PIAS3: variants seen among roughly 807,000 people sequenced by gnomAD.
PIAS3 encodes the protein E3 SUMO-protein ligase PIAS3.
PIAS3 carries 34 observed loss-of-function variants against 67.6 expected under a neutral mutation model. The ratio of observed to expected loss-of-function variants is 0.50; its 90% CI spans 0.38 to 0.67. The LOEUF (loss-of-function observed/expected upper bound fraction) is 0.67. PIAS3 is among the 30% of genes least tolerant of loss of function. PIAS3 has a pLI of 0.00. For missense variants in PIAS3, 693 were observed against 791.6 expected (o/e 0.88, Z 1.49); for synonymous variants, 341 against 313.8 (o/e 1.09, Z -0.92).
At chr1:145,851,619 G>A in intron 9 of PIAS3, among the ~76,000 whole-genome samples, 1 of 125,294 alleles carries the variant, frequency 8.0e-6, no homozygotes, top group Middle Eastern at 6.9e-3. Context: ...CCACACCACT[G>A]TTCTCCACCC....
rs148220219 is a variant in PIAS3, at chr1:145,858,568, G to T, written c.24+399C>A. On this transcript the variant is annotated intron_variant, in intron 1 of 13. Transcript: ENST00000393045. ...CCGGAGCCTCCCCTACGTCTGCCCC[G>T]CGGTCCCATCCCTGCATGTGCCCCC... is the stretch of plus-strand genomic sequence containing the variant. 4.0e-3 allele frequency among the ~76,000 whole-genome samples: 586 copies of T among 147,304 alleles called. 3 individuals carry two copies. Among genetic ancestry groups the T allele is most frequent in the Admixed American group, 5.3e-3 (78 of 14,700 alleles).
intron 11 of PIAS3, 64 bp downstream of exon 11, chr1:145,850,707 C>T: frequency 6.2e-7 from 1 of 1,601,176 alleles, no homozygotes; most frequent in Non-Finnish European, 8.5e-7. Flanking sequence ...GTCCAATGAT[C>T]AGAAAGCAAT....
chr1:145,855,891 GA>G, intron 4 of PIAS3, 65 bp from the exon 5 acceptor site: 1 of 1,181,236 alleles, frequency 8.5e-7, no homozygotes, highest in Non-Finnish European at 1.3e-6. Context: ...CTGGCAGAGA[GA>G]CAGGGAACCC....
At chr1:145,857,028 C>T in intron 1 of PIAS3, 22 bp from the exon 2 acceptor site, 1 of 1,608,766 alleles carries the variant, frequency 6.2e-7, no homozygotes, top group Non-Finnish European at 8.5e-7. Context: ...AACAGAGAAG[C>T]TTGAGCATCC....
chr1:145,853,424 G>GAAAATA, intron 9 of PIAS3, 80 bp downstream of exon 9: 1 of 988,612 alleles, frequency 1.0e-6, no homozygotes, highest in Non-Finnish European at 1.4e-6. Flanking sequence ...AAAAAAAAAA[G>GAAAATA]AAAAGAAAAA....
rs781861723 is a variant in PIAS3, at chr1:145,856,445, G to A, written c.443-14C>T. On this transcript the variant is annotated splice_polypyrimidine_tract_variant and intron_variant, in intron 2 of 13. Coordinates refer to ENST00000393045, the MANE Select transcript of PIAS3 (RefSeq NM_006099.3). Reference sequence around the variant, plus strand: ...TAGAAGTGGATGCTGAGGATACAAAGGGGCAGTTATTCCAAGCCCATGCAC... The same window carrying A: ...TAGAAGTGGATGCTGAGGATACAAAAGGGCAGTTATTCCAAGCCCATGCAC... 17 of 1,613,278 alleles carry A rather than the reference G, an allele frequency of 1.1e-5. No homozygotes were observed. Among genetic ancestry groups the A allele is most frequent in the Non-Finnish European group, 1.4e-5 (16 of 1,179,340 alleles).
At chr1:145,855,997 G>T in intron 4 of PIAS3, 71 bp downstream of exon 4, 1 of 1,272,146 alleles carries the variant, frequency 7.9e-7, no homozygotes, top group Non-Finnish European at 1.2e-6. Flanking sequence ...TCTCGTAAGG[G>T]TATCTGTCAT....
At chr1:145,858,727 C>T (rs1368662851) in intron 1 of PIAS3, among the ~76,000 whole-genome samples, 2 of 150,732 alleles carry the variant, frequency 1.3e-5, no homozygotes, top group Non-Finnish European at 3.0e-5. Context: ...CCCTGCGCCT[C>T]AGCCCCCAAC....
Position 145,850,846 on chromosome 1 carries a change from T to C in PIAS3, c.1373A>G (p.Glu458Gly). 1.2e-6 allele frequency: 2 copies of C among 1,614,246 alleles called. No homozygotes were observed. The highest frequency in any genetic ancestry group is 1.7e-6 in the Non-Finnish European group (2 of 1,180,028). ...IDLTIESSSD[E>G]EDLPPTKKHC... ...CTTCTTGGTAGGGGGCAGATCCTCC[T>C]CATCTGATGAGCTTTCTATTGTCAA... is the stretch of plus-strand genomic sequence containing the variant. Residue 458 changes from glutamate to glycine, a missense_variant, in exon 11 of 14, where the codon GAG becomes GGG. By Grantham distance (98) the Glu-to-Gly change is moderately conservative (BLOSUM62 -2). This residue lies in a region of PIAS3 where 270 missense variants were observed against 261.0 expected (regional missense o/e 1.03). Coordinates refer to ENST00000393045, the MANE Select transcript of PIAS3 (RefSeq NM_006099.3).
rs782782323 is a variant in PIAS3, at chr1:145,854,727, C to G, written c.804+19G>C. 1 of 1,614,058 alleles carries G rather than the reference C, an allele frequency of 6.2e-7. No homozygotes were observed. Among genetic ancestry groups the G allele is most frequent in the African/African-American group, 1.3e-5 (1 of 74,910 alleles). On this transcript the variant is annotated intron_variant, in intron 6 of 13. Transcript: ENST00000393045. ...ACCCTCAGCAGGCTTTTCCAGGCAC[C>G]TGCTTTAGCTGTGCTCACCCGTCCG...
At chr1:145,853,714 C>T (rs183807546) in intron 8 of PIAS3, 50 bp from the exon 9 acceptor site, 1 of 1,609,750 alleles carries the variant, frequency 6.2e-7, no homozygotes. Context: ...GATTTCATCC[C>T]AGAAAACTTC....
chr1:145,854,117 T>C, intron 7 of PIAS3: 1 of 598,058 alleles, frequency 1.7e-6, no homozygotes, highest in South Asian at 2.0e-5. Context: ...TCTGGCTATG[T>C]TAGAGATGAT....
rs1245416399 is a variant in PIAS3 at position 145,853,592 on chromosome 1, G to A, written c.1057C>T (p.Leu353Phe). The stretch of plus-strand genomic sequence containing the variant: ...TTCTTCTCATTCATCTGTAGATAAA[G>A]GGCAGCATCGAAGCTCTGCAGGTGG... ...CAHLQSFDAA[L>F]YLQMNEKKPT... The change falls in exon 9 of 14, where the codon CTT becomes TTT. Residue 353 changes from leucine (L) to phenylalanine (F), a missense_variant. Leu to Phe is a conservative substitution (Grantham distance 22). Transcript: ENST00000393045. 2 of 1,613,952 alleles carry A rather than the reference G, an allele frequency of 1.2e-6. No individual in the cohort carries two copies. Among genetic ancestry groups the A allele is most frequent in the East Asian group, 2.2e-5 (1 of 44,902 alleles).
chr1:145,858,979 C>A lies in PIAS3; in HGVS notation c.12G>T (p.Leu4=). The A allele has an allele frequency of 6.5e-7, 1 of 1,543,918 alleles. No individual in the cohort carries two copies. The change falls in exon 1 of 14, where the codon CTG becomes CTT. Residue 4 remains leucine, a synonymous_variant. Coordinates refer to ENST00000393045, the MANE Select transcript of PIAS3 (RefSeq NM_006099.3). MAE[L]GELKHMVMSF... Reference sequence around the variant, plus strand: ...AGGGGGCCGGTACCTTTAATTCGCCCAGCTCCGCCATCTTGAGACATCGCA... The same window carrying A: ...AGGGGGCCGGTACCTTTAATTCGCCAAGCTCCGCCATCTTGAGACATCGCA...
At chr1:145,851,537 T>A (rs1466651313) in intron 9 of PIAS3, among the ~76,000 whole-genome samples, 1 of 148,598 alleles carries the variant, frequency 6.7e-6, no homozygotes, top group African/African-American at 2.5e-5. Flanking sequence ...ATGCCTATAA[T>A]CCCAGCTACT....
chr1:145,850,142 C>T, intron 13 of PIAS3, 90 bp downstream of exon 13: 1 of 1,599,320 alleles, frequency 6.3e-7, no homozygotes, highest in Non-Finnish European at 8.5e-7. Context: ...GATTTACATC[C>T]CCAGAGATCA....
Position 145,851,396 on chromosome 1 carries a change from C to G in PIAS3, c.1146-243G>C, listed in dbSNP as rs1570772777. 1.5e-5 allele frequency: 7 copies of G among 452,682 alleles called. No individual in the cohort carries two copies. In the East Asian group the frequency reaches 2.8e-4, roughly 18 times the overall value. The allele number at this position is 452,682 out of a possible 1,614,324, so 28.0% of individuals were successfully genotyped here. On this transcript the variant is annotated intron_variant, in intron 9 of 13. Transcript: ENST00000393045. ...TGAGGCTGGGTGCAGTGGCTCACGC[C>G]TTTAATCCCAGCACTTTGGGAGGTA... is the stretch of plus-strand genomic sequence containing the variant.
At position 145,859,071 on chromosome 1, in the gene PIAS3, C is replaced by A; in HGVS notation, c.-81G>T. The A allele has an allele frequency of 7.1e-7, 1 of 1,399,354 alleles. No homozygotes were observed. Among genetic ancestry groups the A allele is most frequent in the Middle Eastern group, 2.1e-4 (1 of 4,672 alleles). 86.7% of individuals were successfully genotyped at this position (1,399,354 alleles called of 1,614,324 possible). On this transcript the variant is annotated 5_prime_UTR_variant, in exon 1 of 14. Coordinates refer to ENST00000393045, the MANE Select transcript of PIAS3 (RefSeq NM_006099.3). ...GCACAACTCTCCACCCTGGCGCCGG[C>A]CGCAAATGCCGCCTGCTCCGCCCAG...
In PIAS3 at chr1:145,856,382, G is replaced by C; in HGVS notation, c.492C>G (p.Leu164=). 1.2e-6 allele frequency: 2 copies of C among 1,614,086 alleles called. No individual in the cohort carries two copies. The highest frequency in any genetic ancestry group is 1.7e-6 in the Non-Finnish European group (2 of 1,179,954). Residue 164 remains leucine (L), a synonymous_variant, in exon 3 of 14, where the codon CTC becomes CTG. Transcript: ENST00000393045. The part of the protein sequence containing the change: ...RFEEAHFTFA[L]TPQQVQQILT... Reference sequence around the variant, plus strand: ...GAATCTGCTGCACTTGCTGGGGTGTGAGGGCAAAGGTAAAGTGCGCTTCCT... The same window carrying C: ...GAATCTGCTGCACTTGCTGGGGTGTCAGGGCAAAGGTAAAGTGCGCTTCCT...
Sources: gnomAD v4.1 joint callset for allele counts (sites outside exome capture counted in the v4.1 genomes callset) on GRCh38, gnomAD v4.1.1 for gene constraint, gnomAD v4.1.1 regional missense constraint, MANE v1.5 for transcripts, NCBI Gene and HGNC (gene_info 2026-07-23, HGNC 2026-07-21) for gene names.